ITGAV: variants seen among roughly 807,000 people sequenced by gnomAD.
ITGAV encodes integrin alpha-V.
In ITGAV, 76 loss-of-function variants were observed where a neutral mutation model predicts 143.8. The ratio of observed to expected loss-of-function variants is 0.53; its 90% CI spans 0.44 to 0.64. The LOEUF (loss-of-function observed/expected upper bound fraction) is 0.64. Ranked by LOEUF, ITGAV falls within the 30% of genes least tolerant of loss-of-function variation. The pLI is 0.00. For missense variants in ITGAV, 1,193 were observed against 1,274.7 expected, an observed-to-expected ratio of 0.94 and a Z score of 0.98; for synonymous variants, 453 against 446.7, an observed-to-expected ratio of 1.01 and a Z score of -0.18.
At chr2:186,620,779 A>AT (rs1687498596) in intron 2 of ITGAV, among the ~76,000 whole-genome samples, 1 of 152,166 alleles carries the variant, frequency 6.6e-6, no homozygotes, top group South Asian at 2.1e-4. Context: ...GATGTAGGGG[A>AT]TTGATTAAAT....
At chr2:186,613,948 G>C (rs904061971) in intron 2 of ITGAV, among the ~76,000 whole-genome samples, 1 of 152,018 alleles carries the variant, frequency 6.6e-6, no homozygotes, top group African/African-American at 2.4e-5. Flanking sequence ...CTTAAAAAAA[G>C]AAGGAAGAGG....
chr2:186,663,105 C>T (rs1559065664), intron 18 of ITGAV, among the ~76,000 whole-genome samples: 1 of 152,104 alleles, frequency 6.6e-6, no homozygotes, highest in Non-Finnish European at 1.5e-5. Context: ...CTGGAACATT[C>T]TCCTGGCCAG....
rs1398590228 is a variant in ITGAV, at chr2:186,590,285, G to A, written c.-54G>A. On this transcript the variant is annotated 5_prime_UTR_variant, in exon 1 of 30. Coordinates refer to ENST00000261023, the MANE Select transcript of ITGAV (RefSeq NM_002210.5). ...CCGCGGGCACTGGGCGCCTCGCTGG[G>A]GCGGGGGGAGGTGGCTACCGCTCCC... The A allele has an allele frequency of 1.4e-6, 2 of 1,407,884 alleles. No homozygotes were observed. The highest frequency in any genetic ancestry group is 1.9e-6 in the Non-Finnish European group (2 of 1,078,698). The allele number at this position is 1,407,884 out of a possible 1,614,324, so 87.2% of individuals were successfully genotyped here. A position where few individuals can be genotyped will look rare whatever the true frequency, so the allele number is the denominator to read the frequency against.
intron 12 of ITGAV, among the ~76,000 whole-genome samples, chr2:186,645,784 C>T (rs1380556974): frequency 2.0e-5 from 3 of 151,472 alleles, no homozygotes; most frequent in African/African-American, 4.9e-5. Context: ...TGGCTAACAC[C>T]GTGAAACCCC....
At chr2:186,634,327 T>C (rs775852368) in intron 6 of ITGAV, among the ~76,000 whole-genome samples, 1 of 152,220 alleles carries the variant, frequency 6.6e-6, no homozygotes, top group Non-Finnish European at 1.5e-5. Flanking sequence ...GGTGAACTAT[T>C]TTGTATTAGC....
At chr2:186,600,399 A>T in intron 1 of ITGAV, 2 of 1,537,414 alleles carry the variant, frequency 1.3e-6, no homozygotes, top group Non-Finnish European at 1.8e-6. Context: ...CCTTAGAAAT[A>T]ACTTCTCTGT....
intron 14 of ITGAV, among the ~76,000 whole-genome samples, chr2:186,651,035 T>C (rs1574491117): frequency 6.6e-6 from 1 of 152,322 alleles, no homozygotes; most frequent in Non-Finnish European, 1.5e-5. Context: ...TAGAGCAATA[T>C]GTATGAATTT....
Position 186,677,547 on chromosome 2 carries a change from A to G in ITGAV, c.*255A>G, listed in dbSNP as rs1406575591. 2.7e-6 allele frequency: 1 copy of G among 373,436 alleles called. No individual in the cohort carries two copies. 23.1% of individuals were successfully genotyped at this position (373,436 alleles called of 1,614,324 possible). A position where few individuals can be genotyped will look rare whatever the true frequency, so the allele number is the denominator to read the frequency against. On this transcript the variant is annotated 3_prime_UTR_variant, in exon 30 of 30. Transcript: ENST00000261023. ...AATTTCAAGGGATAGTTTTTATTCA[A>G]TGTATATAAGACAGGTAGTGCCTGA...
In ITGAV at chr2:186,668,892, A is replaced by G; in HGVS notation, c.2564A>G (p.Asp855Gly). ...DIDGPMNCTS[D>G]MEINPLRIKI... ...GATGGACCAATGAACTGCACTTCAG[A>G]TATGGAGATCAACCCTTTGAGAATT... Residue 855 changes from aspartate to glycine, a missense_variant, in exon 25 of 30, where the codon GAT (aspartate) becomes GGT (glycine). Transcript: ENST00000261023. 2 of 1,611,922 alleles carry G rather than the reference A, an allele frequency of 1.2e-6. No homozygotes were observed. Among genetic ancestry groups the G allele is most frequent in the Non-Finnish European group, 1.7e-6 (2 of 1,179,198 alleles).
chr2:186,622,677 C>T (rs1218253868), intron 3 of ITGAV, among the ~76,000 whole-genome samples: 1 of 152,150 alleles, frequency 6.6e-6, no homozygotes, highest in African/African-American at 2.4e-5. Flanking sequence ...CTTGACAGTT[C>T]CTATCAGTTT....
At chr2:186,653,039 G>A (rs943088493) in intron 15 of ITGAV, among the ~76,000 whole-genome samples, 53 of 147,362 alleles carry the variant, frequency 3.6e-4, no homozygotes, top group African/African-American at 1.3e-3. Flanking sequence ...TCCGCTTCCC[G>A]GGTTCACGCC....
chr2:186,650,132 T>A (rs1380054079), intron 14 of ITGAV, among the ~76,000 whole-genome samples: 3 of 152,192 alleles, frequency 2.0e-5, no homozygotes, highest in Non-Finnish European at 2.9e-5. Context: ...TCAGAGTAAT[T>A]AGGATATTCA....
At chr2:186,603,470 A>G (rs1167338520) in intron 2 of ITGAV, among the ~76,000 whole-genome samples, 4 of 151,568 alleles carry the variant, frequency 2.6e-5, no homozygotes, top group African/African-American at 9.7e-5. Flanking sequence ...TTTTTTTTCC[A>G]TTTGAAATTA....
chr2:186,664,044 C>T (rs1688821330), intron 19 of ITGAV, among the ~76,000 whole-genome samples: 1 of 152,092 alleles, frequency 6.6e-6, no homozygotes, highest in Non-Finnish European at 1.5e-5. Flanking sequence ...GAGTTATTAC[C>T]ATTCAACTTT....
chr2:186,628,113 T>C (rs912261779), intron 4 of ITGAV, among the ~76,000 whole-genome samples: 3 of 152,168 alleles, frequency 2.0e-5, no homozygotes, highest in Non-Finnish European at 4.4e-5. Flanking sequence ...TGTTTCATCA[T>C]TGGTAAAACA....
At chr2:186,652,382 G>A (rs1048830904) in intron 15 of ITGAV, among the ~76,000 whole-genome samples, 9 of 152,014 alleles carry the variant, frequency 5.9e-5, no homozygotes, top group Admixed American at 5.9e-4. Context: ...TAGAGATGGG[G>A]TCTCCCTATA....
intron 17 of ITGAV, 22 bp from the exon 18 acceptor site, chr2:186,659,016 T>G (rs201992437): frequency 7.5e-6 from 12 of 1,595,814 alleles, no homozygotes; most frequent in Non-Finnish European, 1.0e-5. Context: ...TTATCATTAA[T>G]TCAAAGCGTT....
intron 12 of ITGAV, among the ~76,000 whole-genome samples, chr2:186,642,325 C>A (rs907112532): frequency 4.0e-5 from 6 of 151,888 alleles, no homozygotes; most frequent in African/African-American, 1.5e-4. Flanking sequence ...CCTATGCCCC[C>A]TTAAAACCTA....
chr2:186,678,698 C>T lies in ITGAV; in HGVS notation c.*1406C>T, dbSNP rs1186653069. Reference sequence around the variant, plus strand: ...AATATATGATTTATTCACAGTTCCTCAAGGCCTGGGGATGATGATCAGTTA... The same window carrying T: ...AATATATGATTTATTCACAGTTCCTTAAGGCCTGGGGATGATGATCAGTTA... On this transcript the variant is annotated 3_prime_UTR_variant, in exon 30 of 30. Transcript: ENST00000261023. 1.3e-5 allele frequency: 6 copies of T among 455,260 alleles called. No homozygotes were observed. Among genetic ancestry groups the T allele is most frequent in the Non-Finnish European group, 2.2e-5 (5 of 226,246 alleles). 28.2% of individuals were successfully genotyped at this position (455,260 alleles called of 1,614,324 possible). A position where few individuals can be genotyped will look rare whatever the true frequency, so the allele number is the denominator to read the frequency against.
Sources: gnomAD v4.1 joint callset for allele counts (sites outside exome capture counted in the v4.1 genomes callset) on GRCh38, gnomAD v4.1.1 for gene constraint, MANE v1.5 for transcripts, NCBI Gene and HGNC (gene_info 2026-07-23, HGNC 2026-07-21) for gene names.